CDHR4: variants seen among roughly 807,000 people sequenced by gnomAD.
The protein encoded by CDHR4 is cadherin-related family member 4.
In CDHR4, 89 loss-of-function variants were observed where a neutral mutation model predicts 88.4. That is an observed-to-expected ratio of 1.01 (90% CI 0.85 to 1.20). The LOEUF is 1.20. Ranked by LOEUF, CDHR4 falls within the 50% of genes most tolerant of loss-of-function variation. The pLI is 0.00. For missense variants in CDHR4, 914 were observed against 1,007.2 expected (o/e 0.91, Z 1.25); for synonymous variants, 368 against 399.2 (o/e 0.92, Z 0.93).
rs115475025 is a variant in CDHR4, at chr3:49,795,142, C to G, written c.1032-42G>C. On this transcript the variant is annotated intron_variant, in intron 8 of 18. Transcript: ENST00000412678. The surrounding 1 kb of genome is among the most constrained non-coding windows in gnomAD (Gnocchi z 5.4). Reference sequence around the variant, plus strand: ...GCAGCAAGGCAGGAGTCTGGCAGTACCCTGAGTCATGGCTCTGACCCCAGC... The same window carrying G: ...GCAGCAAGGCAGGAGTCTGGCAGTAGCCTGAGTCATGGCTCTGACCCCAGC... The G allele has an allele frequency of 1.7e-3, 2,703 of 1,551,516 alleles. 42 individuals are homozygous for G. The African/African-American group carries it at 0.033, about 19-fold the overall frequency.
rs1430483734 is a variant in CDHR4 at position 49,793,436 on chromosome 3, G to T, written c.1624-125C>A. 3.5e-6 allele frequency: 5 copies of T among 1,445,344 alleles called. No homozygotes were observed. In the East Asian group the frequency reaches 1.2e-4, roughly 36 times the overall value. The allele number at this position is 1,445,344 out of a possible 1,614,324, so 89.5% of individuals were successfully genotyped here. On this transcript the variant is annotated intron_variant, in intron 12 of 18. Coordinates refer to ENST00000412678, the MANE Select transcript of CDHR4 (RefSeq NM_001007540.4). ...AAGTGATGAAGTCATCACACAACAG[G>T]CTCCAGAGCTTTCAATTAGGCCCCA... is the stretch of plus-strand genomic sequence containing the variant.
In CDHR4 at chr3:49,795,782, C is replaced by T. The variant is rs1382781756; in HGVS notation, c.711-18G>A. The T allele has an allele frequency of 3.2e-6, 5 of 1,551,512 alleles. No individual in the cohort carries two copies. The South Asian group carries it at 4.8e-5, about 15-fold the overall frequency. ...CCTGCTCGCTGGACCAAAAGGGGGGCACTGGTTCCTGCCCATTCCTGCTCA... is the reference window on the plus strand; with the variant it reads ...CCTGCTCGCTGGACCAAAAGGGGGGTACTGGTTCCTGCCCATTCCTGCTCA... On this transcript the variant is annotated intron_variant, in intron 6 of 18. Transcript: ENST00000412678. This position sits in a 1 kb window ranked among gnomAD's most constrained non-coding sequence, Gnocchi z 5.4.
At chr3:49,793,524 G>A in intron 12 of CDHR4, 59 bp downstream of exon 12, 1 of 1,540,112 alleles carries the variant, frequency 6.5e-7, no homozygotes, top group Non-Finnish European at 8.8e-7. Flanking sequence ...AACACCACAG[G>A]GCAATCTGAA....
rs749895196 is a variant in CDHR4 at position 49,794,652 on chromosome 3, G to C, written c.1235C>G (p.Ala412Gly). ...ACCATCGAGCACCAGGATGGAGGCT[G>C]CATGCTGGAAGCAGGCTCCAGGAGT... ...CDTPGACFQHAASILVLDGGQ... is the reference protein window; with the variant it reads ...CDTPGACFQHGASILVLDGGQ... The change falls in exon 10 of 19, where the codon GCA (alanine) becomes GGA (glycine). Residue 412 changes from alanine to glycine, a missense_variant. Physicochemically the swap from Ala to Gly is moderately conservative, Grantham distance 60 (BLOSUM62 0). Coordinates refer to ENST00000412678, the MANE Select transcript of CDHR4 (RefSeq NM_001007540.4). 15 of 1,551,338 alleles carry C rather than the reference G, an allele frequency of 9.7e-6. No homozygotes were observed. Among genetic ancestry groups the C allele is most frequent in the Non-Finnish European group, 8.7e-7 (1 of 1,146,884 alleles).
At chr3:49,801,931 T>C (rs746541725), upstream of CDHR4, among the ~76,000 whole-genome samples, 5 of 152,180 alleles carry the variant, frequency 3.3e-5, no homozygotes, top group Non-Finnish European at 7.4e-5. Flanking sequence ...AAGGCCCCCA[T>C]TGCTCCTCAT....
At chr3:49,799,558 T>C in intron 1 of CDHR4, 121 bp from the exon 2 acceptor site, 1 of 1,183,334 alleles carries the variant, frequency 8.5e-7, no homozygotes. Context: ...AGCTAAGGCC[T>C]TTCCTTGTAT....
intron 12 of CDHR4, 94 bp downstream of exon 12, chr3:49,793,489 A>G: frequency 6.7e-7 from 1 of 1,497,992 alleles, no homozygotes; most frequent in Non-Finnish European, 8.9e-7. Flanking sequence ...CGTGGAAGAA[A>G]CCAAGGCACA....
chr3:49,791,684 T>A (rs1393161086), intron 17 of CDHR4, 30 bp downstream of exon 17: 1 of 1,550,496 alleles, frequency 6.4e-7, no homozygotes, highest in East Asian at 2.4e-5. Context: ...ACCCTTGGTG[T>A]CCACTACTTG....
rs1001876928 is a variant in CDHR4 at position 49,790,823 on chromosome 3, T to C, written c.*9A>G. ...GAAATTCCACACATAGTAAGACAGCTACTTGGCCTCAGAGCCAGCGCCGGG... is the reference window on the plus strand; with the variant it reads ...GAAATTCCACACATAGTAAGACAGCCACTTGGCCTCAGAGCCAGCGCCGGG... On this transcript the variant is annotated 3_prime_UTR_variant, in exon 19 of 19. Coordinates refer to ENST00000412678, the MANE Select transcript of CDHR4 (RefSeq NM_001007540.4). The C allele has an allele frequency of 6.4e-7, 1 of 1,550,564 alleles. No individual in the cohort carries two copies. The highest frequency in any genetic ancestry group is 8.7e-7 in the Non-Finnish European group (1 of 1,146,392).
rs929074108 is a variant in CDHR4 at position 49,792,787 on chromosome 3, A to G, written c.1995+67T>C. The G allele has an allele frequency of 3.5e-5, 51 of 1,467,606 alleles. No individual in the cohort carries two copies. In the Admixed American group the frequency reaches 6.1e-4, roughly 18 times the overall value. 90.9% of individuals were successfully genotyped at this position (1,467,606 alleles called of 1,614,324 possible). A position where few individuals can be genotyped will look rare whatever the true frequency, so the allele number is the denominator to read the frequency against. ...CCTTCCCCATAGTTCCACCTGAAAA[A>G]CTGGGTCTCCTCACTCTCCAAGGTC... On this transcript the variant is annotated intron_variant, in intron 14 of 18. Coordinates refer to ENST00000412678, the MANE Select transcript of CDHR4 (RefSeq NM_001007540.4).
chr3:49,793,114 C>T, intron 13 of CDHR4, 40 bp from the exon 14 acceptor site: 1 of 1,550,926 alleles, frequency 6.4e-7, no homozygotes, highest in Non-Finnish European at 8.7e-7. Flanking sequence ...CATTGCTGGC[C>T]TTGGCCTGCC....
Position 49,794,451 on chromosome 3 carries a change from T to C in CDHR4, c.1279+157A>G, listed in dbSNP as rs561638036. Among the ~76,000 whole-genome samples the C allele has an allele frequency of 1.3e-4, 20 of 150,390 alleles. No homozygotes were observed. In the East Asian group the frequency reaches 3.7e-3, roughly 28 times the overall value. On this transcript the variant is annotated intron_variant, in intron 10 of 18. Transcript: ENST00000412678. ...TAAAGGGAGGGCAGAAGCCTTCCCC[T>C]GCTGGGGGTCTAAGAGATATATCTT...
chr3:49,798,262 A>G (rs2081302574), intron 4 of CDHR4: 1 of 151,640 alleles, frequency 6.6e-6, no homozygotes, highest in Non-Finnish European at 1.5e-5. Context: ...ATTGTCATAA[A>G]GAACTGAGAA....
At position 49,795,899 on chromosome 3, in the gene CDHR4, C is replaced by T; in HGVS notation, c.710+44G>A. The stretch of plus-strand genomic sequence containing the variant: ...CCTCACCCTACCTGATTCCCTGGGG[C>T]TAGGCCCTTCCTCCCTCACTGTTCC... On this transcript the variant is annotated intron_variant, in intron 6 of 18. Coordinates refer to ENST00000412678, the MANE Select transcript of CDHR4 (RefSeq NM_001007540.4). The surrounding 1 kb of genome is among the most constrained non-coding windows in gnomAD (Gnocchi z 5.4). 6.6e-7 allele frequency: 1 copy of T among 1,516,862 alleles called. No individual in the cohort carries two copies. The highest frequency in any genetic ancestry group is 1.3e-5 in the South Asian group (1 of 77,244). The allele number at this position is 1,516,862 out of a possible 1,614,324, so 94.0% of individuals were successfully genotyped here.
rs140276341 is a variant in CDHR4, at chr3:49,799,201, T to C, written c.241-45A>G. 2,785 of 1,605,240 alleles carry C rather than the reference T, an allele frequency of 1.7e-3. 44 individuals carry two copies. In the African/African-American group the frequency reaches 0.033, roughly 19 times the overall value. On this transcript the variant is annotated intron_variant, in intron 2 of 18. Coordinates refer to ENST00000412678, the MANE Select transcript of CDHR4 (RefSeq NM_001007540.4). ...CCATGTGGGGCTTGGAAATTTTAGG[T>C]CTGCCCTTGTGCCCCCACAGTCCCC... is the stretch of plus-strand genomic sequence containing the variant.
chr3:49,801,542 C>T (rs1460279537), upstream of CDHR4, among the ~76,000 whole-genome samples: 1 of 152,242 alleles, frequency 6.6e-6, no homozygotes, highest in Non-Finnish European at 1.5e-5. Context: ...CTCTGCAACT[C>T]CTCTTGGATG....
chr3:49,799,489 A>C, intron 1 of CDHR4, 52 bp from the exon 2 acceptor site: 1 of 1,517,002 alleles, frequency 6.6e-7, no homozygotes, highest in African/African-American at 1.4e-5. Flanking sequence ...ATGGAACCAC[A>C]CATACTAGCA....
At chr3:49,794,755 G>GGGCTCTCT in intron 9 of CDHR4, 54 bp from the exon 10 acceptor site, 1 of 1,479,150 alleles carries the variant, frequency 6.8e-7, no homozygotes, top group Non-Finnish European at 9.2e-7. Context: ...AGAGCCCTGA[G>GGGCTCTCT]CCACACGGGG....
At chr3:49,801,279 A>G (rs1225635725), upstream of CDHR4, among the ~76,000 whole-genome samples, 3 of 152,290 alleles carry the variant, frequency 2.0e-5, no homozygotes, top group Non-Finnish European at 2.9e-5. Flanking sequence ...CCACATTCTC[A>G]GATTTCTCCT....
Sources: allele counts gnomAD v4.1 joint callset (sites outside exome capture counted in the v4.1 genomes callset), GRCh38; gene constraint gnomAD v4.1.1; non-coding constraint Gnocchi (gnomAD v3.1); transcripts MANE v1.5; gene names NCBI Gene and HGNC (gene_info 2026-07-23, HGNC 2026-07-21).